ATP13A4: variants seen among roughly 807,000 people sequenced by gnomAD.
The protein encoded by ATP13A4 is probable cation-transporting ATPase 13A4.
In ATP13A4, 114 loss-of-function variants were observed where a neutral mutation model predicts 142.5. That is an observed-to-expected ratio of 0.80 (90% CI 0.69 to 0.93). The LOEUF is 0.93. ATP13A4 is among the 40% of genes least tolerant of loss of function. ATP13A4 has a pLI of 0.00. For synonymous variants in ATP13A4, 488 were observed against 514.8 expected (o/e 0.95, Z 0.70); for missense variants, 1,392 against 1,454.0 (o/e 0.96, Z 0.69).
intron 1 of ATP13A4, among the ~76,000 whole-genome samples, chr3:193,530,048 CA>C (rs917253737): frequency 2.6e-5 from 4 of 152,116 alleles, no homozygotes; most frequent in African/African-American, 9.7e-5. Context: ...TTTGTAGCAA[CA>C]AAATACCTTT....
intron 1 of ATP13A4, among the ~76,000 whole-genome samples, chr3:193,544,237 G>A (rs188167185): frequency 1.9e-4 from 29 of 152,264 alleles, no homozygotes; most frequent in East Asian, 1.3e-3. Context: ...AATTGAAGCC[G>A]GATGAAGGAT....
In ATP13A4 at chr3:193,406,931, G is replaced by A. The variant is rs567015186; in HGVS notation, c.3378+382C>T. 3.6e-4 allele frequency among the ~76,000 whole-genome samples: 55 copies of A among 152,266 alleles called. No homozygotes were observed. The South Asian group carries it at 4.8e-3, about 13-fold the overall frequency. ...TGAAAATGTCCTGCAATTAAGTAGC[G>A]TTAATGGCTGTACAACTCAGTGAGT... On this transcript the variant is annotated intron_variant, in intron 29 of 29. Coordinates refer to ENST00000342695, the MANE Select transcript of ATP13A4 (RefSeq NM_032279.4).
chr3:193,459,558 C>T (rs546879890), intron 13 of ATP13A4, among the ~76,000 whole-genome samples: 1 of 152,280 alleles, frequency 6.6e-6, no homozygotes, highest in East Asian at 1.9e-4. Flanking sequence ...CTGCCTCAGC[C>T]TCCTGAATAG....
chr3:193,438,699 A>T (rs1560186983), intron 22 of ATP13A4, 115 bp from the exon 23 acceptor site: 13 of 880,172 alleles, frequency 1.5e-5, no homozygotes, highest in Non-Finnish European at 2.4e-5. Flanking sequence ...CCCAAACTCT[A>T]ACCAAGAGAC....
intron 1 of ATP13A4, among the ~76,000 whole-genome samples, chr3:193,535,862 C>T (rs1347000962): frequency 6.6e-6 from 1 of 152,024 alleles, no homozygotes; most frequent in East Asian, 1.9e-4. Context: ...CAACTCTACA[C>T]ATATAAATTT....
intron 1 of ATP13A4, among the ~76,000 whole-genome samples, chr3:193,520,534 C>G (rs1360977361): frequency 1.3e-5 from 2 of 152,158 alleles, no homozygotes; most frequent in African/African-American, 4.8e-5. Flanking sequence ...TTTACAAACT[C>G]TCTGTCTTCA....
intron 28 of ATP13A4, among the ~76,000 whole-genome samples, chr3:193,409,569 A>T (rs372086767): frequency 2.2e-4 from 34 of 152,352 alleles, no homozygotes; most frequent in East Asian, 9.6e-4. Context: ...TAGGATTAAG[A>T]AGTTTTAACT....
At position 193,453,418 on chromosome 3, in the gene ATP13A4, G is replaced by A. The variant is rs919740514; in HGVS notation, c.2027+683C>T. ...CATAAGCAGTGGTGGCTGACATTAA[G>A]TGTTAGAAATGACATGAAAGGTGAA... On this transcript the variant is annotated intron_variant, in intron 17 of 29. Coordinates refer to ENST00000342695, the MANE Select transcript of ATP13A4 (RefSeq NM_032279.4). Among the ~76,000 whole-genome samples the A allele has an allele frequency of 8.8e-4, 134 of 152,084 alleles. 2 individuals are homozygous for A. The highest frequency in any genetic ancestry group is 1.4e-3 in the Non-Finnish European group (98 of 68,020).
chr3:193,511,640 G>T (rs1352713506), intron 2 of ATP13A4, among the ~76,000 whole-genome samples: 1 of 152,218 alleles, frequency 6.6e-6, no homozygotes, highest in African/African-American at 2.4e-5. Flanking sequence ...GTTTGCAAAT[G>T]CCTTTTACAT....
chr3:193,434,239 A>AAATCCT (rs1170889494), intron 24 of ATP13A4, among the ~76,000 whole-genome samples: 1 of 152,194 alleles, frequency 6.6e-6, no homozygotes, highest in African/African-American at 2.4e-5. Context: ...TTGTTAACAG[A>AAATCCT]AAATTTAGGA....
intron 1 of ATP13A4, among the ~76,000 whole-genome samples, chr3:193,588,763 T>C (rs7642165): frequency 0.093 from 14,133 of 152,142 alleles, 1,247 homozygotes; most frequent in African/African-American, 0.24. Flanking sequence ...CTCACATTAA[T>C]GTTTACCTTT....
At chr3:193,506,100 T>C (rs1720848749) in intron 2 of ATP13A4, among the ~76,000 whole-genome samples, 1 of 152,222 alleles carries the variant, frequency 6.6e-6, no homozygotes, top group African/African-American at 2.4e-5. Context: ...TAGGAACTTA[T>C]TCTCCCTTTG....
intron 5 of ATP13A4, 118 bp downstream of exon 5, chr3:193,492,799 A>G (rs1238816649): frequency 1.3e-6 from 1 of 786,618 alleles, no homozygotes; most frequent in East Asian, 2.7e-5. Context: ...ATAATACTAA[A>G]TAGAGCATTA....
rs189582893 is a variant in ATP13A4, at chr3:193,400,208, C to A, written c.*2444G>T. On this transcript the variant is annotated 3_prime_UTR_variant, in exon 30 of 30. Transcript: ENST00000342695. ...CTTTCCAGGCTGGGCACTCCCTGTTCCTTCAATTACTGCTTCTAAGATGTA... is the reference window on the plus strand; with the variant it reads ...CTTTCCAGGCTGGGCACTCCCTGTTACTTCAATTACTGCTTCTAAGATGTA... Among the ~76,000 whole-genome samples, 34 of 152,178 alleles carry A rather than the reference C, an allele frequency of 2.2e-4. 1 individual carries two copies. The highest frequency in any genetic ancestry group is 4.4e-4 in the Non-Finnish European group (30 of 68,032).
intron 12 of ATP13A4, among the ~76,000 whole-genome samples, 161 bp from the exon 13 acceptor site, chr3:193,462,984 T>TAA (rs113344721): frequency 3.4e-5 from 5 of 148,122 alleles, no homozygotes; most frequent in African/African-American, 1.2e-4. Context: ...CTCCCTATTT[T>TAA]AAAAAAAAAA....
intron 8 of ATP13A4, among the ~76,000 whole-genome samples, chr3:193,471,626 A>C (rs1328932444): frequency 6.6e-6 from 1 of 152,118 alleles, no homozygotes; most frequent in Non-Finnish European, 1.5e-5. Flanking sequence ...TTTTAAAAAC[A>C]GATCTCCAGC....
At chr3:193,446,984 T>G (rs1016740227) in intron 18 of ATP13A4, among the ~76,000 whole-genome samples, 1 of 152,152 alleles carries the variant, frequency 6.6e-6, no homozygotes, top group African/African-American at 2.4e-5. Flanking sequence ...AGAAAGATAT[T>G]CAAGCATATG....
At chr3:193,532,654 T>C (rs192274606) in intron 1 of ATP13A4, among the ~76,000 whole-genome samples, 1 of 151,940 alleles carries the variant, frequency 6.6e-6, no homozygotes, top group Non-Finnish European at 1.5e-5. Flanking sequence ...CCATCAAGAG[T>C]CTTAAAAATG....
chr3:193,418,084 T>A (rs1215693080), intron 25 of ATP13A4, among the ~76,000 whole-genome samples: 1 of 99,382 alleles, frequency 1.0e-5, no homozygotes, highest in Non-Finnish European at 1.8e-5. Flanking sequence ...ATCCCGCCAC[T>A]GCACTCCAGC....
Sources: gnomAD v4.1 joint callset for allele counts (sites outside exome capture counted in the v4.1 genomes callset) on GRCh38, gnomAD v4.1.1 for gene constraint, MANE v1.5 for transcripts, NCBI Gene and HGNC (gene_info 2026-07-23, HGNC 2026-07-21) for gene names.